Variants in PIP5K1B observed in about 807,000 individuals in gnomAD.
PIP5K1B encodes phosphatidylinositol-4-phosphate 5-kinase type 1 beta.
In PIP5K1B, 42 loss-of-function variants were observed where a neutral mutation model predicts 67.0. That is an observed-to-expected ratio of 0.63 (90% CI 0.49 to 0.81). The LOEUF (loss-of-function observed/expected upper bound fraction) is 0.81. Ranked by LOEUF, PIP5K1B falls within the 30% of genes least tolerant of loss-of-function variation. The pLI, the probability that PIP5K1B is intolerant of heterozygous loss-of-function variation, is 0.00. For synonymous variants in PIP5K1B, 214 were observed against 231.4 expected (o/e 0.92, Z 0.68); for missense variants, 459 against 646.3 (o/e 0.71, Z 3.14).
intron 1 of PIP5K1B, among the ~76,000 whole-genome samples, chr9:68,715,796 T>C (rs1189772538): frequency 6.6e-6 from 1 of 152,242 alleles, no homozygotes; most frequent in African/African-American, 2.4e-5. Context: ...CCACTTCATA[T>C]TGCCGATCCT....
intron 5 of PIP5K1B, among the ~76,000 whole-genome samples, chr9:68,866,175 C>A (rs1372169028): frequency 6.6e-6 from 1 of 151,774 alleles, no homozygotes; most frequent in African/African-American, 2.4e-5. Flanking sequence ...CACCTGTAAT[C>A]CCAGCAACTC....
chr9:68,950,197 G>C (rs1457450515), intron 14 of PIP5K1B, among the ~76,000 whole-genome samples: 2 of 152,148 alleles, frequency 1.3e-5, no homozygotes, highest in African/African-American at 4.8e-5. Flanking sequence ...AGTCTACAGA[G>C]ATCCTTGGTT....
rs371821274 is a variant in PIP5K1B at position 68,999,349 on chromosome 9, C to G, written c.1620+8092C>G. On this transcript the variant is annotated intron_variant, in intron 15 of 15. Coordinates refer to ENST00000265382, the MANE Select transcript of PIP5K1B (RefSeq NM_003558.4). Reference sequence around the variant, plus strand: ...CCCACCCCTCTACCTTACCGAGGGACCTGTGAATTAACTGCTCCTTACCAC... The same window carrying G: ...CCCACCCCTCTACCTTACCGAGGGAGCTGTGAATTAACTGCTCCTTACCAC... Among the ~76,000 whole-genome samples the G allele has an allele frequency of 9.8e-5, 15 of 152,302 alleles. No individual in the cohort carries two copies. The South Asian group carries it at 3.1e-3, about 32-fold the overall frequency.
At chr9:68,849,288 T>A (rs1175327903) in intron 4 of PIP5K1B, among the ~76,000 whole-genome samples, 1 of 152,174 alleles carries the variant, frequency 6.6e-6, no homozygotes, top group Non-Finnish European at 1.5e-5. Context: ...ATGTAACCAT[T>A]ACAAATAATG....
chr9:68,728,626 C>G (rs1044792391), intron 1 of PIP5K1B: 1 of 152,078 alleles, frequency 6.6e-6, no homozygotes. Context: ...AGTCCTGAGG[C>G]ACAGCTTGTT....
At chr9:68,887,039 C>T (rs1003165186) in intron 6 of PIP5K1B, among the ~76,000 whole-genome samples, 11 of 152,326 alleles carry the variant, frequency 7.2e-5, no homozygotes, top group Admixed American at 5.9e-4. Context: ...AGCCATGTGG[C>T]TTGCTGCCTG....
intron 2 of PIP5K1B, chr9:68,780,731 C>T (rs1367415581): frequency 1.9e-6 from 3 of 1,614,238 alleles, no homozygotes; most frequent in Non-Finnish European, 2.5e-6. Context: ...GAAGCCAGAG[C>T]CCCATCAATT....
intron 1 of PIP5K1B, among the ~76,000 whole-genome samples, chr9:68,715,616 C>A (rs935723244): frequency 6.6e-6 from 1 of 152,192 alleles, no homozygotes; most frequent in African/African-American, 2.4e-5. Flanking sequence ...GACTAGTTTC[C>A]TCGCCCCCAC....
chr9:68,907,570 T>C (rs2132468720), intron 8 of PIP5K1B, among the ~76,000 whole-genome samples: 1 of 152,346 alleles, frequency 6.6e-6, no homozygotes. Context: ...TGTTCTTAGA[T>C]ATTGTTTCTC....
intron 2 of PIP5K1B, among the ~76,000 whole-genome samples, chr9:68,760,220 T>C (rs1272335972): frequency 2.6e-5 from 4 of 152,150 alleles, no homozygotes; most frequent in African/African-American, 9.7e-5. Context: ...CATCCATCCA[T>C]TGCTTTACCT....
At chr9:68,936,642 A>G (rs1334691102) in intron 13 of PIP5K1B, among the ~76,000 whole-genome samples, 2 of 152,138 alleles carry the variant, frequency 1.3e-5, no homozygotes, top group African/African-American at 2.4e-5. Flanking sequence ...GCACTTATCC[A>G]TATGTGCTGT....
chr9:68,889,419 A>T (rs1824653732), intron 7 of PIP5K1B, among the ~76,000 whole-genome samples: 1 of 152,150 alleles, frequency 6.6e-6, no homozygotes, highest in Non-Finnish European at 1.5e-5. Flanking sequence ...GGTCAGCCTT[A>T]GTTCCCTCAG....
chr9:68,808,885 T>C (rs1305899036), intron 2 of PIP5K1B, among the ~76,000 whole-genome samples: 2 of 152,226 alleles, frequency 1.3e-5, no homozygotes, highest in Non-Finnish European at 2.9e-5. Flanking sequence ...AAATATTAGA[T>C]ACATGAAGTG....
chr9:68,822,452 C>A (rs1833775861), intron 3 of PIP5K1B, 163 bp from the exon 4 acceptor site: 2 of 515,756 alleles, frequency 3.9e-6, no homozygotes, highest in African/African-American at 2.0e-5. Flanking sequence ...ATGCAGATTT[C>A]TTTTTTAGTA....
In PIP5K1B at chr9:68,991,198, G is replaced by A. The variant is rs540726305; in HGVS notation, c.1561G>A (p.Ala521Thr). The change falls in exon 15 of 16, where the codon GCT (alanine) becomes ACT (threonine). Residue 521 changes from alanine to threonine, a missense_variant. Coordinates refer to ENST00000265382, the MANE Select transcript of PIP5K1B (RefSeq NM_003558.4). ...GGAAGAGGGGACCATCTACTTGACCGCTGAGCCCAACACTCTGGAAGTGCA... is the reference window on the plus strand; with the variant it reads ...GGAAGAGGGGACCATCTACTTGACCACTGAGCCCAACACTCTGGAAGTGCA... ...TLEEGTIYLT[A>T]EPNTLEVQDD... The A allele has an allele frequency of 1.3e-5, 21 of 1,612,172 alleles. No individual in the cohort carries two copies. Among genetic ancestry groups the A allele is most frequent in the East Asian group, 4.5e-5 (2 of 44,872 alleles).
chr9:68,939,146 T>C (rs1034762673), intron 13 of PIP5K1B, among the ~76,000 whole-genome samples: 1 of 152,202 alleles, frequency 6.6e-6, no homozygotes, highest in Non-Finnish European at 1.5e-5. Flanking sequence ...GAGTTCTACC[T>C]ACGACACTGG....
At position 68,788,324 on chromosome 9, in the gene PIP5K1B, A is replaced by C. The variant is rs185790906; in HGVS notation, c.-85-30137A>C. Reference sequence around the variant, plus strand: ...CTCTCCCTTCAGGTTCAAACTTGGAACTTTCTAGCTTTGGTCATGTATTTT... The same window carrying C: ...CTCTCCCTTCAGGTTCAAACTTGGACCTTTCTAGCTTTGGTCATGTATTTT... On this transcript the variant is annotated intron_variant, in intron 2 of 15. Transcript: ENST00000265382. 8.3e-6 allele frequency: 7 copies of C among 843,046 alleles called. No homozygotes were observed. The East Asian group carries it at 2.4e-4, about 29-fold the overall frequency. The allele number at this position is 843,046 out of a possible 1,614,324, so 52.2% of individuals were successfully genotyped here. A position where few individuals can be genotyped will look rare whatever the true frequency, so the allele number is the denominator to read the frequency against.
At chr9:68,789,009 A>T in intron 2 of PIP5K1B, 1 of 379,764 alleles carries the variant, frequency 2.6e-6, no homozygotes, top group Non-Finnish European at 5.1e-6. Context: ...AGGGAAGTGT[A>T]AGGTCTGGCA....
intron 1 of PIP5K1B, among the ~76,000 whole-genome samples, chr9:68,740,262 C>T (rs1286178532): frequency 2.0e-5 from 3 of 152,236 alleles, no homozygotes; most frequent in Non-Finnish European, 4.4e-5. Flanking sequence ...CCTAACAAGG[C>T]TGTATAAATA....
Sources: allele counts gnomAD v4.1 joint callset (sites outside exome capture counted in the v4.1 genomes callset), GRCh38; gene constraint gnomAD v4.1.1; transcripts MANE v1.5; gene names NCBI Gene and HGNC (gene_info 2026-07-23, HGNC 2026-07-21).